NCOA1: variants seen among roughly 807,000 people sequenced by gnomAD.
The protein encoded by NCOA1 is nuclear receptor coactivator 1.
A neutral mutation model predicts 150.9 loss-of-function variants in NCOA1; 35 were observed. The ratio of observed to expected loss-of-function variants is 0.23; its 90% CI spans 0.18 to 0.31. The LOEUF (loss-of-function observed/expected upper bound fraction) is 0.31. Ranked by LOEUF, NCOA1 falls within the 10% of genes least tolerant of loss-of-function variation. NCOA1 has a pLI of 1.00. For missense variants in NCOA1, 1,491 were observed against 1,749.3 expected (o/e 0.85, Z 2.63); for synonymous variants, 590 against 630.0 (o/e 0.94, Z 0.95).
rs548315455 is a variant in NCOA1, at chr2:24,617,973, G to A, written c.-174-25993G>A. On this transcript the variant is annotated intron_variant, in intron 3 of 22. Transcript: ENST00000348332. ...AACATATGTAAACTTAGTGAAAAAA[G>A]ATGCTCTTAAGCAATATATTCATTA... Among the ~76,000 whole-genome samples the A allele has an allele frequency of 6.1e-4, 93 of 152,048 alleles. 3 individuals carry two copies. The South Asian group carries it at 0.019, about 30-fold the overall frequency.
intron 1 of NCOA1, among the ~76,000 whole-genome samples, chr2:24,520,457 CA>C (rs761567039): frequency 6.6e-6 from 1 of 152,090 alleles, no homozygotes; most frequent in Non-Finnish European, 1.5e-5. Flanking sequence ...GAATGAATAT[CA>C]AAATAATTAT....
chr2:24,566,281 A>T lies in NCOA1; in HGVS notation c.-260+1851A>T, dbSNP rs1401430780. Among the ~76,000 whole-genome samples the T allele has an allele frequency of 2.6e-5, 4 of 151,820 alleles. No homozygotes were observed. In the East Asian group the frequency reaches 7.7e-4, roughly 29 times the overall value. On this transcript the variant is annotated intron_variant, in intron 2 of 22. Transcript: ENST00000348332. ...GCTTTCAGCAGAGAGGAGACCATGG[A>T]GTTGGAGTGGGTAGCTCCTCTCCGC...
chr2:24,701,978 C>T (rs1466485373), intron 11 of NCOA1, among the ~76,000 whole-genome samples: 1 of 152,234 alleles, frequency 6.6e-6, no homozygotes, highest in African/African-American at 2.4e-5. Context: ...CCACTGCACT[C>T]CAGCTTGGGT....
In NCOA1 at chr2:24,629,549, A is replaced by G. The variant is rs1431524476; in HGVS notation, c.-174-14417A>G. Among the ~76,000 whole-genome samples, 4 of 149,134 alleles carry G rather than the reference A, an allele frequency of 2.7e-5. No homozygotes were observed. The East Asian group carries it at 5.9e-4, about 22-fold the overall frequency. On this transcript the variant is annotated intron_variant, in intron 3 of 22. Coordinates refer to ENST00000348332, the MANE Select transcript of NCOA1 (RefSeq NM_003743.5). ...AAACATTTATATCTTCCTAGAAACA[A>G]TGAGATTTAAAAACAAAAAAAGGTA...
At chr2:24,611,370 A>C (rs1668617967) in intron 3 of NCOA1, among the ~76,000 whole-genome samples, 1 of 152,088 alleles carries the variant, frequency 6.6e-6, no homozygotes, top group South Asian at 2.1e-4. Flanking sequence ...GGTTGACTTC[A>C]TGTTTTTGCT....
chr2:24,679,755 A>G (rs2148533628), intron 7 of NCOA1, among the ~76,000 whole-genome samples: 1 of 152,290 alleles, frequency 6.6e-6, no homozygotes, highest in East Asian at 1.9e-4. Flanking sequence ...TAAACCCAAA[A>G]TATTTTAAAA....
At chr2:24,546,381 T>C (rs1215057011) in intron 1 of NCOA1, among the ~76,000 whole-genome samples, 3 of 152,234 alleles carry the variant, frequency 2.0e-5, no homozygotes, top group African/African-American at 4.8e-5. Context: ...TGCTGAGTTC[T>C]GATTTAATAT....
chr2:24,643,692 A>G (rs1670336529), intron 3 of NCOA1, among the ~76,000 whole-genome samples: 1 of 152,208 alleles, frequency 6.6e-6, no homozygotes, highest in African/African-American at 2.4e-5. Flanking sequence ...CTTTTAAAAG[A>G]CATGTAAATG....
At chr2:24,532,469 T>G (rs935058637) in intron 1 of NCOA1, among the ~76,000 whole-genome samples, 41 of 152,220 alleles carry the variant, frequency 2.7e-4, no homozygotes, top group African/African-American at 8.7e-4. Flanking sequence ...AGATCCTGTT[T>G]GTCAATTTTG....
intron 1 of NCOA1, among the ~76,000 whole-genome samples, chr2:24,531,631 G>A (rs768302439): frequency 2.6e-5 from 4 of 151,956 alleles, no homozygotes; most frequent in Admixed American, 6.6e-5. Flanking sequence ...GATAGGCCCC[G>A]GTGTGTGATG....
chr2:24,504,831 AG>A (rs1314319274), intron 1 of NCOA1, among the ~76,000 whole-genome samples: 2 of 152,214 alleles, frequency 1.3e-5, no homozygotes, highest in Non-Finnish European at 2.9e-5. Context: ...AAAGTGAGAG[AG>A]GGAGTAAAGG....
intron 14 of NCOA1, among the ~76,000 whole-genome samples, chr2:24,716,792 C>A (rs1370045324): frequency 6.6e-6 from 1 of 152,152 alleles, no homozygotes; most frequent in South Asian, 2.1e-4. Flanking sequence ...CTAGGCTAAA[C>A]CCAGATGGGT....
intron 14 of NCOA1, among the ~76,000 whole-genome samples, chr2:24,717,815 A>G (rs1674124610): frequency 1.3e-5 from 2 of 152,314 alleles, no homozygotes; most frequent in East Asian, 1.9e-4. Flanking sequence ...AAAACTGTCC[A>G]ATCTAAACAC....
chr2:24,533,767 C>T (rs1664999472), intron 1 of NCOA1, among the ~76,000 whole-genome samples: 2 of 152,136 alleles, frequency 1.3e-5, no homozygotes, highest in African/African-American at 2.4e-5. Flanking sequence ...GTATGTTGAA[C>T]GAGCCTTGCA....
intron 8 of NCOA1, among the ~76,000 whole-genome samples, chr2:24,687,538 T>G (rs1672464080): frequency 6.6e-6 from 1 of 152,072 alleles, no homozygotes; most frequent in African/African-American, 2.4e-5. Context: ...GGAAAGAGGT[T>G]TAATTGACTC....
At chr2:24,764,559 C>T (rs1664952993) in intron 22 of NCOA1, among the ~76,000 whole-genome samples, 2 of 152,076 alleles carry the variant, frequency 1.3e-5, no homozygotes, top group African/African-American at 2.4e-5. Flanking sequence ...AACTGGAAGG[C>T]CACAGAAACA....
intron 19 of NCOA1, among the ~76,000 whole-genome samples, chr2:24,747,327 C>CTTTTTTTTTTTTTTTTTTTTTTTTCT (rs148901218): frequency 1.7e-5 from 2 of 120,166 alleles, no homozygotes; most frequent in African/African-American, 6.3e-5. Flanking sequence ...TTATTTTTCT[C>CTTTTTTTTTTTTTTTTTTTTTTTTCT]TTTTTTTTTT....
intron 17 of NCOA1, among the ~76,000 whole-genome samples, chr2:24,733,759 C>G (rs1231975857): frequency 6.6e-6 from 1 of 151,368 alleles, no homozygotes. Context: ...CAAAACAAAA[C>G]AAAACAAAAA....
At chr2:24,537,557 T>G (rs981085422) in intron 1 of NCOA1, among the ~76,000 whole-genome samples, 1 of 151,866 alleles carries the variant, frequency 6.6e-6, no homozygotes, top group Non-Finnish European at 1.5e-5. Flanking sequence ...TGAAACTGGT[T>G]ACCACAGGTG....
Sources: allele counts gnomAD v4.1 joint callset (sites outside exome capture counted in the v4.1 genomes callset), GRCh38; gene constraint gnomAD v4.1.1; transcripts MANE v1.5; gene names NCBI Gene and HGNC (gene_info 2026-07-23, HGNC 2026-07-21).